GATAD2A: variants seen among roughly 807,000 people sequenced by gnomAD.
GATAD2A encodes the protein transcriptional repressor p66-alpha.
GATAD2A carries 12 observed loss-of-function variants against 68.5 expected under a neutral mutation model. That is an observed-to-expected ratio of 0.18 (90% CI 0.11 to 0.28). The LOEUF (loss-of-function observed/expected upper bound fraction) is 0.28, where lower values mean the gene tolerates loss of function less well. Ranked by LOEUF, GATAD2A falls within the 10% of genes least tolerant of loss-of-function variation. The pLI, the probability that GATAD2A is intolerant of heterozygous loss-of-function variation, is 1.00. For synonymous variants in GATAD2A, 410 were observed against 375.3 expected (o/e 1.09, Z -1.07); for missense variants, 755 against 868.5 (o/e 0.87, Z 1.64).
chr19:19,501,029 T>C lies in GATAD2A; in HGVS notation c.1205-89T>C, dbSNP rs916336008. The C allele has an allele frequency of 1.4e-5, 17 of 1,192,350 alleles. No individual in the cohort carries two copies. The African/African-American group carries it at 2.3e-4, about 16-fold the overall frequency. The allele number at this position is 1,192,350 out of a possible 1,614,324, so 73.9% of individuals were successfully genotyped here. A position where few individuals can be genotyped will look rare whatever the true frequency, so the allele number is the denominator to read the frequency against. ...TGCAGAACGGACAGACTGTGGCGAC[T>C]GAGACTCCAGCATCCTGGGCTGGGG... On this transcript the variant is annotated intron_variant, in intron 8 of 11. Transcript: ENST00000683918.
At chr19:19,407,967 T>A (rs1287667994) in intron 1 of GATAD2A, among the ~76,000 whole-genome samples, 1 of 152,272 alleles carries the variant, frequency 6.6e-6, no homozygotes, top group African/African-American at 2.4e-5. Flanking sequence ...TTGGAAGGGC[T>A]ATAGAGAATG....
chr19:19,398,252 G>A (rs1360458786), intron 1 of GATAD2A, among the ~76,000 whole-genome samples: 1 of 151,554 alleles, frequency 6.6e-6, no homozygotes, highest in Non-Finnish European at 1.5e-5. Context: ...TGCCCAGGCT[G>A]GAGTGCAGTG....
In GATAD2A at chr19:19,506,989, C is replaced by T. The variant is rs774129960; in HGVS notation, c.*1515C>T. The T allele has an allele frequency of 4.6e-5, 7 of 152,264 alleles. No homozygotes were observed. The highest frequency in any genetic ancestry group is 2.0e-4 in the Admixed American group (3 of 15,294). 9.4% of individuals were successfully genotyped at this position (152,264 alleles called of 1,614,324 possible). ...GCTCATTTAACCCCCAGGCTCCTGTCGTGTGAATATCCTCAGTCTGTAGGA... is the reference window on the plus strand; with the variant it reads ...GCTCATTTAACCCCCAGGCTCCTGTTGTGTGAATATCCTCAGTCTGTAGGA... On this transcript the variant is annotated 3_prime_UTR_variant, in exon 12 of 12. Coordinates refer to ENST00000683918, the MANE Select transcript of GATAD2A (RefSeq NM_001384528.1).
intron 1 of GATAD2A, among the ~76,000 whole-genome samples, chr19:19,389,524 C>T (rs998612574): frequency 1.3e-5 from 2 of 152,160 alleles, no homozygotes; most frequent in Admixed American, 6.5e-5. Flanking sequence ...CAAGTTTCAA[C>T]TCGAGCTATT....
chr19:19,411,867 T>A (rs1273137643), intron 1 of GATAD2A, among the ~76,000 whole-genome samples: 1 of 152,172 alleles, frequency 6.6e-6, no homozygotes, highest in African/African-American at 2.4e-5. Context: ...TTATCACATA[T>A]AATGTAACAC....
chr19:19,438,949 T>C (rs1307552988), intron 1 of GATAD2A, among the ~76,000 whole-genome samples: 1 of 152,260 alleles, frequency 6.6e-6, no homozygotes, highest in Non-Finnish European at 1.5e-5. Context: ...CTCCACAAAA[T>C]GCAAGTTTCA....
At chr19:19,451,276 G>C (rs1241782061) in intron 1 of GATAD2A, among the ~76,000 whole-genome samples, 1 of 152,128 alleles carries the variant, frequency 6.6e-6, no homozygotes, top group Non-Finnish European at 1.5e-5. Context: ...AGCTACTTGG[G>C]AGGCTGAGGC....
At chr19:19,411,625 G>A (rs929638769) in intron 1 of GATAD2A, among the ~76,000 whole-genome samples, 1 of 152,198 alleles carries the variant, frequency 6.6e-6, no homozygotes, top group African/African-American at 2.4e-5. Context: ...ACGATATGCA[G>A]TTTACCACTC....
At chr19:19,402,979 A>G (rs1480803475), upstream of GATAD2A, among the ~76,000 whole-genome samples, 1 of 151,808 alleles carries the variant, frequency 6.6e-6, no homozygotes, top group African/African-American at 2.4e-5. Flanking sequence ...CACTGTGTTG[A>G]CCACGATGGT....
At chr19:19,490,624 C>T (rs1172003543) in intron 2 of GATAD2A, among the ~76,000 whole-genome samples, 1 of 152,150 alleles carries the variant, frequency 6.6e-6, no homozygotes, top group African/African-American at 2.4e-5. Context: ...ACTTGATTCA[C>T]TTCGATGAAT....
At chr19:19,464,412 G>A (rs1421877722) in intron 1 of GATAD2A, among the ~76,000 whole-genome samples, 1 of 152,204 alleles carries the variant, frequency 6.6e-6, no homozygotes, top group East Asian at 1.9e-4. Context: ...GATTAGAGCA[G>A]CCCCTTTAAG....
At chr19:19,502,628 C>T in intron 11 of GATAD2A, 102 bp downstream of exon 11, 1 of 913,874 alleles carries the variant, frequency 1.1e-6, no homozygotes, top group Admixed American at 2.5e-5. Flanking sequence ...AACCCCCAGG[C>T]CCGCTTCCCA....
intron 1 of GATAD2A, among the ~76,000 whole-genome samples, chr19:19,410,646 C>G (rs1009396492): frequency 6.6e-6 from 1 of 152,192 alleles, no homozygotes; most frequent in African/African-American, 2.4e-5. Context: ...ATTATGGTGG[C>G]ACAGCAGCTC....
chr19:19,426,524 T>G (rs980086700), intron 1 of GATAD2A, among the ~76,000 whole-genome samples: 1 of 152,164 alleles, frequency 6.6e-6, no homozygotes, highest in Admixed American at 6.5e-5. Context: ...AATTTTTATT[T>G]TTTTGAGATA....
intron 1 of GATAD2A, among the ~76,000 whole-genome samples, chr19:19,424,500 G>A (rs751056677): frequency 1.3e-5 from 2 of 152,236 alleles, no homozygotes; most frequent in Non-Finnish European, 2.9e-5. Flanking sequence ...AAAGCGCTGG[G>A]ATTACAGGTG....
At chr19:19,475,787 C>T (rs1016482920) in intron 2 of GATAD2A, among the ~76,000 whole-genome samples, 1 of 152,186 alleles carries the variant, frequency 6.6e-6, no homozygotes, top group African/African-American at 2.4e-5. Context: ...CACCCCTTTC[C>T]TGCAGGCTCC....
At position 19,506,107 on chromosome 19, in the gene GATAD2A, C is replaced by T; in HGVS notation, c.*633C>T. ...GGTGGGCGGCTCATGGTGCCACAGC[C>T]CCTGGCAGGGACGGCCGGCCCGCCC... On this transcript the variant is annotated 3_prime_UTR_variant, in exon 12 of 12. Transcript: ENST00000683918. 2 of 399,082 alleles carry T rather than the reference C, an allele frequency of 5.0e-6. No individual in the cohort carries two copies. The highest frequency in any genetic ancestry group is 8.8e-6 in the Non-Finnish European group (2 of 226,120). The allele number at this position is 399,082 out of a possible 1,614,324, so 24.7% of individuals were successfully genotyped here.
In GATAD2A at chr19:19,498,626, G is replaced by A. The variant is rs1203455281; in HGVS notation, c.1108G>A (p.Ala370Thr). The change falls in exon 8 of 12, where the codon GCC (alanine) becomes ACC (threonine). Residue 370 changes from alanine to threonine, a missense_variant. Transcript: ENST00000683918. ...CGAGATCCCCCCACCCAAGCCCCCA[G>A]CCCCAGAGATGAACTTCCTGCCCAG... ...LLEIPPPKPP[A>T]PEMNFLPSAA... 6.2e-7 allele frequency: 1 copy of A among 1,613,632 alleles called. No homozygotes were observed. The highest frequency in any genetic ancestry group is 8.5e-7 in the Non-Finnish European group (1 of 1,179,762).
chr19:19,497,001 A>G (rs942241425), intron 7 of GATAD2A, among the ~76,000 whole-genome samples: 2 of 152,178 alleles, frequency 1.3e-5, no homozygotes, highest in East Asian at 3.8e-4. Context: ...TCCTGGACTG[A>G]CCCAGGCAGG....
Sources: allele counts gnomAD v4.1 joint callset (sites outside exome capture counted in the v4.1 genomes callset), GRCh38; gene constraint gnomAD v4.1.1; transcripts MANE v1.5; gene names NCBI Gene and HGNC (gene_info 2026-07-23, HGNC 2026-07-21).